Variants in ZNF385D observed in about 807,000 individuals in gnomAD.
ZNF385D encodes the protein zinc finger protein 659.
ZNF385D carries 15 observed loss-of-function variants against 35.8 expected under a neutral mutation model. That is an observed-to-expected ratio of 0.42 (90% CI 0.28 to 0.64). ZNF385D has a LOEUF of 0.64. Ranked by LOEUF, ZNF385D falls within the 30% of genes least tolerant of loss-of-function variation. The pLI is 0.23. For synonymous variants in ZNF385D, 212 were observed against 186.8 expected (o/e 1.13, Z -1.10); for missense variants, 474 against 494.6 (o/e 0.96, Z 0.39).
chr3:21,666,100 C>T (rs1224406042), intron 1 of ZNF385D, among the ~76,000 whole-genome samples: 1 of 152,186 alleles, frequency 6.6e-6, no homozygotes, highest in East Asian at 1.9e-4. Context: ...TTTTTAAAAA[C>T]AAAGTAGAGT....
chr3:21,445,062 C>T (rs1031311891), intron 4 of ZNF385D, among the ~76,000 whole-genome samples: 12 of 152,264 alleles, frequency 7.9e-5, no homozygotes, highest in Middle Eastern at 3.4e-3. Flanking sequence ...TGTCCAGTCC[C>T]CTGAGGAGAT....
At chr3:22,126,219 G>A (rs1189612103) in intron 3 of ZNF385D, among the ~76,000 whole-genome samples, 2 of 150,208 alleles carry the variant, frequency 1.3e-5, no homozygotes, top group Non-Finnish European at 3.0e-5. Context: ...CATATTGACT[G>A]ATTTGCATAT....
chr3:21,691,138 A>G lies in ZNF385D; in HGVS notation c.23-26110T>C, dbSNP rs147700056. Among the ~76,000 whole-genome samples, 515 of 151,346 alleles carry G rather than the reference A, an allele frequency of 3.4e-3. 4 individuals are homozygous for G. Among genetic ancestry groups the G allele is most frequent in the African/African-American group, 0.012 (484 of 41,234 alleles). ...GTCAGGAGTACCCTCAATTCCCTCA[A>G]CTCTTTAACTTTTGACCGCAGCTGT... is the stretch of plus-strand genomic sequence containing the variant. On this transcript the variant is annotated intron_variant, in intron 1 of 7. Transcript: ENST00000281523.
chr3:22,196,883 T>C (rs1696457926), intron 2 of ZNF385D, among the ~76,000 whole-genome samples: 1 of 152,096 alleles, frequency 6.6e-6, no homozygotes, highest in Admixed American at 6.6e-5. Context: ...TTAATATTTA[T>C]TGAGCATGGG....
intron 3 of ZNF385D, among the ~76,000 whole-genome samples, chr3:21,856,035 T>C (rs946650821): frequency 2.0e-5 from 3 of 152,078 alleles, no homozygotes; most frequent in Non-Finnish European, 4.4e-5. Flanking sequence ...TGTGTCTGTG[T>C]GTGTAACTTG....
intron 2 of ZNF385D, among the ~76,000 whole-genome samples, chr3:21,578,521 TA>T (rs2063559259): frequency 2.0e-5 from 3 of 152,304 alleles, no homozygotes; most frequent in African/African-American, 4.8e-5. Flanking sequence ...TGGGGAGAGA[TA>T]GGGGGTCTAG....
intron 2 of ZNF385D, among the ~76,000 whole-genome samples, chr3:21,610,916 G>T (rs2064657054): frequency 6.6e-6 from 1 of 152,192 alleles, no homozygotes; most frequent in South Asian, 2.1e-4. Context: ...GCAAGGCTGG[G>T]AAAGAATGGG....
chr3:21,821,242 T>G (rs1258240955), intron 3 of ZNF385D, among the ~76,000 whole-genome samples: 2 of 151,922 alleles, frequency 1.3e-5, no homozygotes, highest in South Asian at 4.1e-4. Flanking sequence ...AAAAAAAATC[T>G]CCACCAAGCG....
intron 2 of ZNF385D, among the ~76,000 whole-genome samples, chr3:22,256,367 C>G (rs1357776013): frequency 6.6e-6 from 1 of 151,538 alleles, no homozygotes; most frequent in Admixed American, 6.6e-5. Context: ...TATGCTCTGT[C>G]ATTCATATTT....
intron 2 of ZNF385D, among the ~76,000 whole-genome samples, chr3:22,249,841 A>G (rs967348806): frequency 1.3e-5 from 2 of 152,160 alleles, no homozygotes; most frequent in South Asian, 4.1e-4. Context: ...CTGAAACAAG[A>G]GATGGATGTA....
At position 21,504,237 on chromosome 3, in the gene ZNF385D, T is replaced by C. The variant is rs534707001; in HGVS notation, c.439+6624A>G. On this transcript the variant is annotated intron_variant, in intron 4 of 7. Transcript: ENST00000281523. ...AGAAATGTCAAGTGTTCTTTACTTG[T>C]AGGACTAGAGAATCTCAAAAACCAA... Among the ~76,000 whole-genome samples the C allele has an allele frequency of 3.5e-4, 53 of 152,236 alleles. 2 individuals carry two copies. In the South Asian group the frequency reaches 0.011, roughly 31 times the overall value.
intron 3 of ZNF385D, among the ~76,000 whole-genome samples, chr3:22,024,662 G>T (rs567142188): frequency 6.6e-6 from 1 of 152,116 alleles, no homozygotes; most frequent in Non-Finnish European, 1.5e-5. Context: ...GAACTGTTTA[G>T]AGAGTTATGC....
chr3:21,730,583 G>C (rs896283853), intron 1 of ZNF385D, among the ~76,000 whole-genome samples: 3 of 152,188 alleles, frequency 2.0e-5, no homozygotes, highest in African/African-American at 7.2e-5. Flanking sequence ...ATAGAGCAGT[G>C]AACAAAGGAG....
chr3:21,728,819 G>A (rs1260799369), intron 1 of ZNF385D, among the ~76,000 whole-genome samples: 1 of 152,090 alleles, frequency 6.6e-6, no homozygotes. Flanking sequence ...TTGCAGTCAT[G>A]GCACTTATTA....
At chr3:21,446,694 A>T (rs1249042232) in intron 4 of ZNF385D, among the ~76,000 whole-genome samples, 1 of 151,816 alleles carries the variant, frequency 6.6e-6, no homozygotes, top group African/African-American at 2.4e-5. Context: ...GGGTTTCACC[A>T]TGTTGGCCAG....
chr3:21,903,795 C>G (rs750067685), intron 3 of ZNF385D, among the ~76,000 whole-genome samples: 2 of 152,020 alleles, frequency 1.3e-5, no homozygotes, highest in Non-Finnish European at 1.5e-5. Context: ...GCATTCAAGA[C>G]TTTGTGCAGT....
chr3:21,806,573 A>G (rs1222398855), intron 3 of ZNF385D, among the ~76,000 whole-genome samples: 1 of 152,196 alleles, frequency 6.6e-6, no homozygotes. Flanking sequence ...CAATTTTTAT[A>G]TAAAGAAATA....
intron 2 of ZNF385D, among the ~76,000 whole-genome samples, chr3:22,178,053 A>C (rs1694955810): frequency 2.6e-5 from 4 of 152,158 alleles, no homozygotes; most frequent in Admixed American, 2.0e-4. Flanking sequence ...ATATGTGTAC[A>C]TGTGTCTTTA....
chr3:22,088,367 G>A (rs540638849), intron 3 of ZNF385D, among the ~76,000 whole-genome samples: 1 of 152,272 alleles, frequency 6.6e-6, no homozygotes, highest in South Asian at 2.1e-4. Flanking sequence ...TGTATGTGCA[G>A]GGGCCTGGTA....
Sources: allele counts gnomAD v4.1 joint callset (sites outside exome capture counted in the v4.1 genomes callset), GRCh38; gene constraint gnomAD v4.1.1; transcripts MANE v1.5; gene names NCBI Gene and HGNC (gene_info 2026-07-23, HGNC 2026-07-21).